Variants in SNTB1 observed in about 807,000 individuals in gnomAD.
SNTB1 encodes syntrophin beta 1, also known as beta-1-syntrophin.
Under a neutral mutation model 48.9 loss-of-function variants are expected in SNTB1, and 36 were observed. That is an observed-to-expected ratio of 0.74 (90% CI 0.56 to 0.97). The LOEUF (loss-of-function observed/expected upper bound fraction) is 0.97. Ranked by LOEUF, SNTB1 falls within the 50% of genes least tolerant of loss-of-function variation. The pLI, the probability that SNTB1 is intolerant of heterozygous loss-of-function variation, is 0.00. For synonymous variants in SNTB1, 299 were observed against 294.6 expected, an observed-to-expected ratio of 1.01 and a Z score of -0.15; for missense variants, 786 against 703.4, an observed-to-expected ratio of 1.12 and a Z score of -1.33.
chr8:120,795,410 C>T (rs1820106343), intron 1 of SNTB1, among the ~76,000 whole-genome samples: 1 of 152,020 alleles, frequency 6.6e-6, no homozygotes, highest in Admixed American at 6.6e-5. Context: ...ATCTGAACAA[C>T]CTTTGCCATT....
At chr8:120,553,350 T>C (rs1815513927) in intron 4 of SNTB1, among the ~76,000 whole-genome samples, 1 of 152,230 alleles carries the variant, frequency 6.6e-6, no homozygotes. Flanking sequence ...TTGGATATGA[T>C]GATATTGGCT....
rs771736255 is a variant in SNTB1, at chr8:120,811,483, C to T, written c.361G>A (p.Gly121Ser). Reference protein sequence around the residue: ...RGVKVLKQELGGLGISIKGGK... With the variant: ...RGVKVLKQELSGLGISIKGGK... ...CCCTTGATGCTGATCCCCAGCCCGC[C>T]CAGCTCCTGCTTCAGCACCTTCACG... The change falls in exon 1 of 7, where the codon GGC becomes AGC. Residue 121 changes from glycine (G) to serine (S), a missense_variant. Coordinates refer to ENST00000517992, the MANE Select transcript of SNTB1 (RefSeq NM_021021.4). The T allele has an allele frequency of 6.2e-7, 1 of 1,613,864 alleles. No individual in the cohort carries two copies. The highest frequency in any genetic ancestry group is 8.5e-7 in the Non-Finnish European group (1 of 1,179,918).
At chr8:120,668,028 C>T (rs1817702034) in intron 2 of SNTB1, among the ~76,000 whole-genome samples, 1 of 152,078 alleles carries the variant, frequency 6.6e-6, no homozygotes, top group African/African-American at 2.4e-5. Context: ...TCTCCTCATA[C>T]ACATACACTG....
At chr8:120,710,857 C>T (rs928111670) in intron 1 of SNTB1, among the ~76,000 whole-genome samples, 1 of 152,104 alleles carries the variant, frequency 6.6e-6, no homozygotes, top group African/African-American at 2.4e-5. Context: ...TCTGTTACAG[C>T]AGTACAAATA....
intron 3 of SNTB1, among the ~76,000 whole-genome samples, chr8:120,582,743 A>C (rs1816069536): frequency 1.3e-5 from 2 of 151,498 alleles, no homozygotes; most frequent in Non-Finnish European, 2.9e-5. Flanking sequence ...GGAATATCAC[A>C]CACTGGGGCC....
At chr8:120,781,734 T>C (rs1563600370) in intron 1 of SNTB1, among the ~76,000 whole-genome samples, 1 of 152,198 alleles carries the variant, frequency 6.6e-6, no homozygotes, top group Non-Finnish European at 1.5e-5. Flanking sequence ...GATGATTCTA[T>C]AGGTCCTCCT....
chr8:120,633,334 G>A (rs1587048010), intron 2 of SNTB1, among the ~76,000 whole-genome samples: 2 of 152,124 alleles, frequency 1.3e-5, no homozygotes, highest in South Asian at 2.1e-4. Context: ...GGCCCACCAC[G>A]CTGGCTCATG....
At chr8:120,772,249 T>TC in intron 1 of SNTB1, among the ~76,000 whole-genome samples, 1 of 151,228 alleles carries the variant, frequency 6.6e-6, no homozygotes, top group South Asian at 2.1e-4. Flanking sequence ...AATTTTTTCT[T>TC]CTTTTTTTTT....
chr8:120,808,935 C>G (rs1473055670), intron 1 of SNTB1, among the ~76,000 whole-genome samples: 4 of 152,066 alleles, frequency 2.6e-5, no homozygotes, highest in Admixed American at 2.0e-4. Context: ...TATAAATGTA[C>G]CTTTAAAACA....
At chr8:120,799,012 C>T (rs1820170423) in intron 1 of SNTB1, among the ~76,000 whole-genome samples, 1 of 151,992 alleles carries the variant, frequency 6.6e-6, no homozygotes, top group African/African-American at 2.4e-5. Flanking sequence ...GAGATGCTGA[C>T]CAGGGAGTTA....
At chr8:120,694,131 G>A (rs929817650) in intron 1 of SNTB1, among the ~76,000 whole-genome samples, 11 of 152,172 alleles carry the variant, frequency 7.2e-5, no homozygotes, top group Non-Finnish European at 4.4e-5. Context: ...ATGTCCTACA[G>A]TTGAGAATTG....
chr8:120,577,942 T>C (rs1030393803), intron 3 of SNTB1, among the ~76,000 whole-genome samples: 4 of 152,224 alleles, frequency 2.6e-5, no homozygotes, highest in Non-Finnish European at 4.4e-5. Context: ...GCTGTTATTT[T>C]AATACTAATG....
At chr8:120,619,939 G>C (rs1391363257) in intron 3 of SNTB1, among the ~76,000 whole-genome samples, 1 of 152,184 alleles carries the variant, frequency 6.6e-6, no homozygotes, top group East Asian at 1.9e-4. Context: ...GAAGATGATA[G>C]TTCTTTGCCA....
rs1225365624 is a variant in SNTB1, at chr8:120,583,558, C to A, written c.997-8333G>T. ...ACACACACACACACACACACACACA[C>A]ACAAAACTGGAACAGTACTATCTCT... On this transcript the variant is annotated intron_variant, in intron 3 of 6. Transcript: ENST00000517992. Among the ~76,000 whole-genome samples, 405 of 127,034 alleles carry A rather than the reference C, an allele frequency of 3.2e-3. 3 individuals are homozygous for A. The highest frequency in any genetic ancestry group is 0.011 in the African/African-American group (392 of 34,634). 83.3% of individuals were successfully genotyped at this position (127,034 alleles called of 152,430 possible). A position where few individuals can be genotyped will look rare whatever the true frequency, so the allele number is the denominator to read the frequency against.
intron 1 of SNTB1, among the ~76,000 whole-genome samples, chr8:120,736,810 C>G (rs1047789693): frequency 1.3e-5 from 2 of 152,142 alleles, no homozygotes; most frequent in African/African-American, 4.8e-5. Context: ...ATAACCACAC[C>G]TGAGCCACAG....
chr8:120,768,777 G>A (rs1305831507), intron 1 of SNTB1: 1 of 152,160 alleles, frequency 6.6e-6, no homozygotes, highest in African/African-American at 2.4e-5. Flanking sequence ...GCAAAAGATG[G>A]CCAATAATCC....
intron 3 of SNTB1, among the ~76,000 whole-genome samples, chr8:120,620,978 C>T (rs1205472524): frequency 4.0e-5 from 6 of 149,220 alleles, no homozygotes; most frequent in African/African-American, 1.2e-4. Context: ...CTTTCTCTCC[C>T]TCTCCCTCTC....
chr8:120,681,284 A>G (rs1275395508), intron 2 of SNTB1, among the ~76,000 whole-genome samples: 1 of 152,158 alleles, frequency 6.6e-6, no homozygotes, highest in African/African-American at 2.4e-5. Context: ...CTTTTGTAAG[A>G]TCCAGTAAAA....
chr8:120,540,495 G>A (rs146544810), intron 6 of SNTB1, among the ~76,000 whole-genome samples: 25 of 152,294 alleles, frequency 1.6e-4, no homozygotes, highest in African/African-American at 5.8e-4. Flanking sequence ...GCAGGAGACT[G>A]ATTCTTGTTC....
Sources: allele counts gnomAD v4.1 joint callset (sites outside exome capture counted in the v4.1 genomes callset), GRCh38; gene constraint gnomAD v4.1.1; transcripts MANE v1.5; gene names NCBI Gene and HGNC (gene_info 2026-07-23, HGNC 2026-07-21).